ROPN1L: variants seen among roughly 807,000 people sequenced by gnomAD.
The protein encoded by ROPN1L is ropporin-1-like protein.
In ROPN1L, 23 loss-of-function variants were observed where a neutral mutation model predicts 22.7. That is an observed-to-expected ratio of 1.01 (90% CI 0.73 to 1.43). The LOEUF is 1.43. Among genes scored for constraint, ROPN1L ranks in the 40% most tolerant of loss-of-function variants. The pLI, the probability that ROPN1L is intolerant of heterozygous loss-of-function variation, is 0.00. For missense variants in ROPN1L, 271 were observed against 291.5 expected (o/e 0.93, Z 0.51); for synonymous variants, 116 against 117.8 (o/e 0.98, Z 0.10).
intron 3 of ROPN1L, among the ~76,000 whole-genome samples, chr5:10,460,146 T>C (rs1381181022): frequency 6.6e-6 from 1 of 151,820 alleles, no homozygotes; most frequent in Non-Finnish European, 1.5e-5. Flanking sequence ...CTGGCCAGGG[T>C]GTTGAAGGCT....
chr5:10,457,807 C>T (rs904416932), intron 3 of ROPN1L, among the ~76,000 whole-genome samples: 4 of 152,124 alleles, frequency 2.6e-5, no homozygotes, highest in Admixed American at 6.5e-5. Context: ...GCAGCTCCCC[C>T]GTGAGGATGG....
chr5:10,468,332 G>A (rs1257255596), downstream of ROPN1L, among the ~76,000 whole-genome samples: 2 of 152,210 alleles, frequency 1.3e-5, no homozygotes, highest in Non-Finnish European at 2.9e-5. Context: ...GCTTCTGTGA[G>A]CAAAAAGTGG....
chr5:10,472,816 A>G (rs1735269948), downstream of ROPN1L, among the ~76,000 whole-genome samples: 1 of 152,186 alleles, frequency 6.6e-6, no homozygotes, highest in South Asian at 2.1e-4. Context: ...TATTAACCTC[A>G]TAGCCATTAT....
At chr5:10,459,401 A>G (rs1056397930) in intron 3 of ROPN1L, among the ~76,000 whole-genome samples, 2 of 146,894 alleles carry the variant, frequency 1.4e-5, no homozygotes, top group Admixed American at 6.6e-5. Context: ...TTCTCTTCAC[A>G]CATCGGCAGA....
chr5:10,452,582 C>T (rs1442818691), intron 3 of ROPN1L, among the ~76,000 whole-genome samples: 1 of 151,784 alleles, frequency 6.6e-6, no homozygotes, highest in Admixed American at 6.6e-5. Flanking sequence ...AGGTGATCTG[C>T]CCGCCTCGGC....
intron 2 of ROPN1L, 136 bp from the exon 3 acceptor site, chr5:10,449,816 C>G: frequency 1.5e-6 from 1 of 657,500 alleles, no homozygotes; most frequent in Non-Finnish European, 2.5e-6. Context: ...GCTGACAGAA[C>G]CCCCTGTCAT....
downstream of ROPN1L, among the ~76,000 whole-genome samples, chr5:10,468,437 T>G (rs1040672070): frequency 4.6e-5 from 7 of 152,236 alleles, no homozygotes; most frequent in African/African-American, 1.7e-4. Flanking sequence ...ATTCTGTTGA[T>G]TTTGACTCTT....
chr5:10,458,843 A>G (rs529382522), intron 3 of ROPN1L, among the ~76,000 whole-genome samples: 6 of 3,102 alleles, frequency 1.9e-3, no homozygotes, highest in African/African-American at 7.5e-3. Context: ...ATCCCCCCGT[A>G]TGCCCCATCC....
chr5:10,471,574 A>G (rs896033494), intron 4 of ROPN1L, among the ~76,000 whole-genome samples: 1 of 152,208 alleles, frequency 6.6e-6, no homozygotes, highest in African/African-American at 2.4e-5. Flanking sequence ...AGGGGAGCCC[A>G]CAAGGGAGGG....
intron 4 of ROPN1L, 87 bp downstream of exon 4, chr5:10,461,446 T>C (rs866112115): frequency 8.5e-7 from 1 of 1,182,762 alleles, no homozygotes; most frequent in Middle Eastern, 2.0e-4. Context: ...AAAAACTCAG[T>C]TTTTCCTTTG....
chr5:10,461,086 C>G, intron 3 of ROPN1L, 98 bp from the exon 4 acceptor site: 3 of 1,107,254 alleles, frequency 2.7e-6, no homozygotes, highest in Non-Finnish European at 3.8e-6. Flanking sequence ...GAATTTCTGT[C>G]AAATATGCTA....
At chr5:10,455,554 G>A (rs2126450453) in intron 3 of ROPN1L, among the ~76,000 whole-genome samples, 1 of 152,320 alleles carries the variant, frequency 6.6e-6, no homozygotes, top group Non-Finnish European at 1.5e-5. Flanking sequence ...ACCTTGCCCT[G>A]TCCGCTGGAG....
At chr5:10,442,423 C>CTTT in intron 1 of ROPN1L, 125 bp downstream of exon 1, 1 of 1,230,582 alleles carries the variant, frequency 8.1e-7, no homozygotes, top group Non-Finnish European at 1.1e-6. Context: ...TCAGGCAAAA[C>CTTT]TTTCCCCTTA....
intron 4 of ROPN1L, 68 bp downstream of exon 4, chr5:10,461,427 C>G: frequency 7.2e-7 from 1 of 1,398,306 alleles, no homozygotes; most frequent in Non-Finnish European, 1.0e-6. Flanking sequence ...TCACTTCCCC[C>G]TTGTAGGGAA....
At chr5:10,480,868 C>G in the ROPN1L span, among the ~76,000 whole-genome samples, 8 of 152,274 alleles carry the variant, frequency 5.3e-5, no homozygotes, top group South Asian at 4.2e-4. Flanking sequence ...AAAAGCCAGA[C>G]AACCTAGCTC....
At chr5:10,481,435 G>A in the ROPN1L span, among the ~76,000 whole-genome samples, 1 of 152,302 alleles carries the variant, frequency 6.6e-6, no homozygotes, top group Admixed American at 6.5e-5. Flanking sequence ...GTGGATAGTG[G>A]CCTGGAGTGT....
intron 4 of ROPN1L, among the ~76,000 whole-genome samples, chr5:10,471,650 G>A (rs1735247889): frequency 6.6e-6 from 1 of 152,232 alleles, no homozygotes; most frequent in African/African-American, 2.4e-5. Context: ...AGGAGAAGCT[G>A]TTGCGGGGAT....
intron 1 of ROPN1L, among the ~76,000 whole-genome samples, chr5:10,446,192 G>A (rs1279305627): frequency 6.6e-6 from 1 of 152,212 alleles, no homozygotes; most frequent in African/African-American, 2.4e-5. Context: ...AACTGGCAGA[G>A]GCTAACATTA....
At position 10,452,287 on chromosome 5, in the gene ROPN1L, A is replaced by ATGTGTG. The variant is rs762971211; in HGVS notation, c.417+2196_417+2201dup. 2.1e-4 allele frequency among the ~76,000 whole-genome samples: 30 copies of ATGTGTG among 142,500 alleles called. 1 individual carries two copies. The highest frequency in any genetic ancestry group is 6.7e-4 in the African/African-American group (25 of 37,104). 93.5% of individuals were successfully genotyped at this position (142,500 alleles called of 152,430 possible). On this transcript the variant is annotated intron_variant, in intron 3 of 4. Transcript: ENST00000274134. Reference sequence around the variant, plus strand: ...AGCCACTGCACCCAGCCTAAAGTATATGTGTGTGTGTGTGTGTGTGTGTGT... The same window carrying ATGTGTG: ...AGCCACTGCACCCAGCCTAAAGTATATGTGTGTGTGTGTGTGTGTGTGTGTGTGTGT...
Sources: allele counts gnomAD v4.1 joint callset (sites outside exome capture counted in the v4.1 genomes callset), GRCh38; gene constraint gnomAD v4.1.1; transcripts MANE v1.5; gene names NCBI Gene and HGNC (gene_info 2026-07-23, HGNC 2026-07-21).